Variants in DLGAP2 observed in about 807,000 individuals in gnomAD.
DLGAP2 encodes DLG associated protein 2.
DLGAP2 carries 26 observed loss-of-function variants against 100.3 expected under a neutral mutation model. The ratio of observed to expected loss-of-function variants is 0.26; its 90% CI spans 0.19 to 0.36. The LOEUF (loss-of-function observed/expected upper bound fraction) is 0.36, where lower values mean the gene tolerates loss of function less well. Ranked by LOEUF, DLGAP2 falls within the 10% of genes least tolerant of loss-of-function variation. The pLI, the probability that DLGAP2 is intolerant of heterozygous loss-of-function variation, is 1.00. For synonymous variants in DLGAP2, 886 were observed against 630.1 expected, an observed-to-expected ratio of 1.41 and a Z score of -6.08; for missense variants, 1,858 against 1,453.2, an observed-to-expected ratio of 1.28 and a Z score of -4.53.
intron 3 of DLGAP2, among the ~76,000 whole-genome samples, chr8:1,271,293 C>T (rs904007873): frequency 2.0e-5 from 3 of 152,186 alleles, no homozygotes; most frequent in Non-Finnish European, 4.4e-5. Flanking sequence ...TTCATGGCAT[C>T]TGGACTCCTC....
At chr8:946,336 T>G (rs1034202191) in intron 2 of DLGAP2, among the ~76,000 whole-genome samples, 5 of 151,542 alleles carry the variant, frequency 3.3e-5, no homozygotes, top group African/African-American at 1.2e-4. Context: ...CGATCTGGGC[T>G]CATTGCAAGC....
chr8:885,138 A>G (rs1797898077), intron 1 of DLGAP2, among the ~76,000 whole-genome samples: 1 of 152,192 alleles, frequency 6.6e-6, no homozygotes, highest in African/African-American at 2.4e-5. Context: ...TTCATATGAA[A>G]TTTAAAATAG....
At chr8:1,303,719 C>T (rs1454949712) in intron 3 of DLGAP2, among the ~76,000 whole-genome samples, 5 of 152,134 alleles carry the variant, frequency 3.3e-5, no homozygotes, top group Non-Finnish European at 7.4e-5. Flanking sequence ...ACGGGTGCTT[C>T]CTCCCAGGCA....
chr8:924,364 C>A (rs1798771133), intron 2 of DLGAP2, among the ~76,000 whole-genome samples: 1 of 152,080 alleles, frequency 6.6e-6, no homozygotes. Flanking sequence ...GATGTTGGGG[C>A]CAGATCCTCT....
intron 2 of DLGAP2, among the ~76,000 whole-genome samples, chr8:1,076,628 C>T (rs1018123795): frequency 2.0e-5 from 3 of 152,316 alleles, no homozygotes; most frequent in East Asian, 1.9e-4. Flanking sequence ...GCGGTCTGTA[C>T]GTCTCCTTCC....
At chr8:1,496,544 T>C (rs932255007) in intron 3 of DLGAP2, among the ~76,000 whole-genome samples, 8 of 152,070 alleles carry the variant, frequency 5.3e-5, no homozygotes, top group African/African-American at 1.4e-4. Flanking sequence ...GCTTGTGACA[T>C]TGAGACGACT....
chr8:1,228,206 A>G (rs1209738398), intron 2 of DLGAP2, among the ~76,000 whole-genome samples: 1 of 152,136 alleles, frequency 6.6e-6, no homozygotes, highest in African/African-American at 2.4e-5. Flanking sequence ...GTGCACATGT[A>G]CCCTAGAACT....
At chr8:823,168 C>T (rs1043242708) in intron 1 of DLGAP2, among the ~76,000 whole-genome samples, 2 of 152,110 alleles carry the variant, frequency 1.3e-5, no homozygotes, top group Non-Finnish European at 2.9e-5. Context: ...GATACTTTCT[C>T]TACCCACTTG....
chr8:900,607 GA>G (rs1402022966), intron 1 of DLGAP2, among the ~76,000 whole-genome samples: 2 of 152,186 alleles, frequency 1.3e-5, no homozygotes, highest in Admixed American at 6.5e-5. Flanking sequence ...AGCACCCATG[GA>G]TGGCTCCTGC....
intron 2 of DLGAP2, among the ~76,000 whole-genome samples, chr8:909,142 G>A (rs1263406294): frequency 6.6e-6 from 1 of 152,206 alleles, no homozygotes; most frequent in African/African-American, 2.4e-5. Context: ...CCAGTCAAGT[G>A]TGTCTCAGCT....
chr8:1,347,709 G>T (rs1801598509), intron 3 of DLGAP2, among the ~76,000 whole-genome samples: 1 of 150,152 alleles, frequency 6.7e-6, no homozygotes, highest in Non-Finnish European at 1.5e-5. Flanking sequence ...TTCCTATACA[G>T]AGCTGCGTTG....
chr8:1,325,155 C>T (rs906494268), intron 3 of DLGAP2, among the ~76,000 whole-genome samples: 1 of 152,186 alleles, frequency 6.6e-6, no homozygotes, highest in Non-Finnish European at 1.5e-5. Context: ...GGTCACTTTC[C>T]CCCAGTCCCC....
intron 2 of DLGAP2, among the ~76,000 whole-genome samples, chr8:1,018,336 TG>T (rs1338705005): frequency 2.0e-5 from 3 of 152,200 alleles, no homozygotes; most frequent in Admixed American, 1.3e-4. Flanking sequence ...GAAACTCAAT[TG>T]ATTTGACCAC....
At position 1,140,222 on chromosome 8, in the gene DLGAP2, G is replaced by A. The variant is rs771169626; in HGVS notation, c.74-118629G>A. Among the ~76,000 whole-genome samples the A allele has an allele frequency of 3.9e-5, 6 of 152,250 alleles. No homozygotes were observed. The South Asian group carries it at 6.2e-4, about 16-fold the overall frequency. On this transcript the variant is annotated intron_variant, in intron 2 of 14. Coordinates refer to ENST00000637795, the MANE Select transcript of DLGAP2 (RefSeq NM_001346810.2). ...CATGAAACTCCGGGCCTCAGCGCTC[G>A]TCCCGCTCTGCCGAGGGCATTCCTG...
chr8:1,551,552 T>C (rs61225693), intron 5 of DLGAP2, among the ~76,000 whole-genome samples: 3,015 of 152,258 alleles, frequency 0.02, 84 homozygotes, highest in African/African-American at 0.068. Context: ...AACACGCTTC[T>C]CTCTGCCTCC....
At chr8:1,593,887 C>A (rs1796365200) in intron 6 of DLGAP2, among the ~76,000 whole-genome samples, 1 of 152,202 alleles carries the variant, frequency 6.6e-6, no homozygotes. Flanking sequence ...GTGATCCATG[C>A]ATCCCACACC....
chr8:1,613,864 C>A (rs1187568878), intron 6 of DLGAP2, among the ~76,000 whole-genome samples: 1 of 152,134 alleles, frequency 6.6e-6, no homozygotes, highest in African/African-American at 2.4e-5. Flanking sequence ...GAAAGATTAG[C>A]AAATTGAATT....
intron 3 of DLGAP2, among the ~76,000 whole-genome samples, chr8:1,363,958 A>G (rs554385340): frequency 2.2e-4 from 34 of 152,304 alleles, no homozygotes; most frequent in Middle Eastern, 6.8e-3. Context: ...GCCATGGCAC[A>G]GTAGGAGTCA....
chr8:1,426,840 T>C (rs941725801), intron 3 of DLGAP2, among the ~76,000 whole-genome samples: 1 of 152,070 alleles, frequency 6.6e-6, no homozygotes, highest in African/African-American at 2.4e-5. Flanking sequence ...GTGTCAGATA[T>C]ACAAAAACTC....
Sources: gnomAD v4.1 joint callset for allele counts (sites outside exome capture counted in the v4.1 genomes callset) on GRCh38, gnomAD v4.1.1 for gene constraint, MANE v1.5 for transcripts, NCBI Gene and HGNC (gene_info 2026-07-23, HGNC 2026-07-21) for gene names.